Variants in DPP6 observed in about 807,000 individuals in gnomAD.
DPP6 encodes A-type potassium channel modulatory protein DPP6.
Under a neutral mutation model 122.6 loss-of-function variants are expected in DPP6, and 69 were observed. The ratio of observed to expected loss-of-function variants is 0.56; its 90% CI spans 0.46 to 0.69. The LOEUF (loss-of-function observed/expected upper bound fraction) is 0.69, where lower values mean the gene tolerates loss of function less well. Among genes scored for constraint, DPP6 ranks in the 30% least tolerant of loss-of-function variants. The pLI, the probability that DPP6 is intolerant of heterozygous loss-of-function variation, is 0.00. For missense variants in DPP6, 928 were observed against 1,116.9 expected, an observed-to-expected ratio of 0.83 and a Z score of 2.41; for synonymous variants, 418 against 433.1, an observed-to-expected ratio of 0.97 and a Z score of 0.43.
intron 1 of DPP6, among the ~76,000 whole-genome samples, chr7:154,380,348 G>A (rs1018168312): frequency 6.6e-6 from 1 of 151,926 alleles, no homozygotes; most frequent in Non-Finnish European, 1.5e-5. Flanking sequence ...GAGTGTGTGT[G>A]TACACACAAA....
At chr7:154,116,777 C>A (rs989313772) in intron 1 of DPP6, among the ~76,000 whole-genome samples, 3 of 152,194 alleles carry the variant, frequency 2.0e-5, no homozygotes, top group Non-Finnish European at 4.4e-5. Flanking sequence ...CAAGACCTGT[C>A]TCTTTTATCA....
chr7:153,832,696 G>T, the DPP6 span, among the ~76,000 whole-genome samples: 1 of 97,358 alleles, frequency 1.0e-5, no homozygotes, highest in Non-Finnish European at 2.3e-5. Flanking sequence ...GGTATACCAT[G>T]AGAATATGTG....
chr7:154,476,066 G>A (rs1405363023), intron 3 of DPP6, among the ~76,000 whole-genome samples: 1 of 152,146 alleles, frequency 6.6e-6, no homozygotes, highest in African/African-American at 2.4e-5. Context: ...TGCTTTTCAT[G>A]CTTCACAAAC....
In DPP6 at chr7:154,409,817, A is replaced by G. The variant is rs539089565; in HGVS notation, c.244-36397A>G. On this transcript the variant is annotated intron_variant, in intron 1 of 25. Coordinates refer to ENST00000377770, the MANE Select transcript of DPP6 (RefSeq NM_130797.4). ...ATCCCTGACCTGTGGCACCACTTTC[A>G]ACATACCATGGTTCTGTAGCAGTGC... is the stretch of plus-strand genomic sequence containing the variant. 5.9e-5 allele frequency among the ~76,000 whole-genome samples: 9 copies of G among 152,302 alleles called. No homozygotes were observed. In the South Asian group the frequency reaches 8.3e-4, roughly 14 times the overall value.
intron 1 of DPP6, among the ~76,000 whole-genome samples, chr7:154,390,244 A>C (rs1358731143): frequency 6.6e-6 from 1 of 152,202 alleles, no homozygotes; most frequent in East Asian, 1.9e-4. Flanking sequence ...GGTTAAAGTA[A>C]GACAGGTTCA....
chr7:154,667,413 G>A (rs1014880637), intron 6 of DPP6, among the ~76,000 whole-genome samples: 64 of 152,120 alleles, frequency 4.2e-4, no homozygotes, highest in Admixed American at 3.5e-3. Flanking sequence ...ATGCTTATGA[G>A]AATACTTTGA....
At chr7:154,599,677 C>G (rs781377762) in intron 5 of DPP6, among the ~76,000 whole-genome samples, 3 of 151,990 alleles carry the variant, frequency 2.0e-5, no homozygotes, top group Admixed American at 2.0e-4. Flanking sequence ...CCCAGCCCCC[C>G]ACCCCATGAC....
At chr7:153,889,236 T>C (rs1056562948) in intron 1 of DPP6, among the ~76,000 whole-genome samples, 2 of 152,218 alleles carry the variant, frequency 1.3e-5, no homozygotes, top group African/African-American at 4.8e-5. Flanking sequence ...TAATTGCTTG[T>C]TTATGAAAAT....
At chr7:154,536,518 T>A (rs1238199554) in intron 3 of DPP6, among the ~76,000 whole-genome samples, 2 of 152,160 alleles carry the variant, frequency 1.3e-5, no homozygotes, top group Admixed American at 6.5e-5. Context: ...AACTTTCAAT[T>A]GAATGAAATC....
At chr7:154,151,908 C>T (rs1796443616) in intron 1 of DPP6, among the ~76,000 whole-genome samples, 1 of 151,472 alleles carries the variant, frequency 6.6e-6, no homozygotes, top group African/African-American at 2.4e-5. Context: ...TTTCCATCAC[C>T]TTTGAGCATC....
intron 1 of DPP6, among the ~76,000 whole-genome samples, chr7:153,955,297 G>A (rs570989832): frequency 5.3e-5 from 8 of 152,232 alleles, no homozygotes; most frequent in East Asian, 1.9e-4. Flanking sequence ...TAAAATCTTC[G>A]TGGATAAAGA....
intron 5 of DPP6, among the ~76,000 whole-genome samples, chr7:154,636,746 G>A (rs1835751064): frequency 6.6e-6 from 1 of 152,210 alleles, no homozygotes; most frequent in Non-Finnish European, 1.5e-5. Flanking sequence ...GTAGGGAATG[G>A]TGGTATTAGC....
the DPP6 span, among the ~76,000 whole-genome samples, chr7:153,827,095 AAAGTT>A: frequency 7.9e-3 from 1,197 of 152,314 alleles, 14 homozygotes; most frequent in African/African-American, 0.027. Flanking sequence ...CATAAATAAA[AAAGTT>A]AAGTCATTAA....
chr7:154,218,798 C>G (rs984963662), intron 1 of DPP6, among the ~76,000 whole-genome samples: 1 of 152,180 alleles, frequency 6.6e-6, no homozygotes, highest in African/African-American at 2.4e-5. Flanking sequence ...AATCACTTTT[C>G]TATTAAACAG....
intron 1 of DPP6, among the ~76,000 whole-genome samples, chr7:154,147,399 A>C (rs915313616): frequency 1.3e-5 from 2 of 152,064 alleles, no homozygotes; most frequent in Admixed American, 1.3e-4. Flanking sequence ...ATTGTTAACC[A>C]CTTTCCTGTA....
intron 1 of DPP6, among the ~76,000 whole-genome samples, chr7:154,072,436 A>G (rs576134683): frequency 2.7e-3 from 405 of 152,342 alleles, no homozygotes; most frequent in African/African-American, 9.4e-3. Flanking sequence ...ACTTCTCAAT[A>G]ATAGACAGGA....
intron 1 of DPP6, among the ~76,000 whole-genome samples, chr7:153,945,633 C>T (rs553236413): frequency 2.6e-5 from 4 of 152,228 alleles, no homozygotes; most frequent in South Asian, 2.1e-4. Context: ...TTTTTCTTAT[C>T]GTAATTCTCC....
intron 2 of DPP6, among the ~76,000 whole-genome samples, chr7:154,469,954 A>G (rs1822121036): frequency 1.3e-5 from 2 of 152,184 alleles, no homozygotes; most frequent in African/African-American, 4.8e-5. Flanking sequence ...AAGTGATCTC[A>G]TTGGAATTTG....
chr7:153,989,920 C>G (rs1410491307), intron 1 of DPP6, among the ~76,000 whole-genome samples: 2 of 150,946 alleles, frequency 1.3e-5, no homozygotes, highest in Non-Finnish European at 3.0e-5. Flanking sequence ...ACCTGCCAGC[C>G]TCGCAGTGGC....
Sources: allele counts gnomAD v4.1 joint callset (sites outside exome capture counted in the v4.1 genomes callset), GRCh38; gene constraint gnomAD v4.1.1; transcripts MANE v1.5; gene names NCBI Gene and HGNC (gene_info 2026-07-23, HGNC 2026-07-21).